The following CD4 variants were observed in gnomAD, a reference collection of about 807,000 sequenced individuals.
CD4 encodes the protein T-cell surface glycoprotein CD4.
CD4 carries 25 observed loss-of-function variants against 50.5 expected under a neutral mutation model. The ratio of observed to expected loss-of-function variants is 0.49; its 90% CI spans 0.36 to 0.69. The LOEUF is 0.69. Among genes scored for constraint, CD4 ranks in the 30% least tolerant of loss-of-function variants. CD4 has a pLI of 0.00. For missense variants in CD4, 456 were observed against 548.5 expected (o/e 0.83, Z 1.68); for synonymous variants, 207 against 221.9 (o/e 0.93, Z 0.60).
At position 6,817,776 on chromosome 12, in the gene CD4, ACACT is replaced by A. The variant is rs1555118203; in HGVS notation, c.1156+450_1156+453del. Among the ~76,000 whole-genome samples, 36 of 142,508 alleles carry A rather than the reference ACACT, an allele frequency of 2.5e-4. 1 individual carries two copies. The highest frequency in any genetic ancestry group is 9.9e-4 in the African/African-American group (35 of 35,332). The allele number at this position is 142,508 out of a possible 152,430, so 93.5% of individuals were successfully genotyped here. ...TCATACACACACTACACACACATCC[ACACT>A]CACACCCACACTCTCACCCCATGTA... On this transcript the variant is annotated intron_variant, in intron 7 of 9. Coordinates refer to ENST00000011653, the MANE Select transcript of CD4 (RefSeq NM_000616.5).
chr12:6,818,864 G>A lies in CD4; in HGVS notation c.1296G>A (p.Met432Ile). 1 of 1,613,054 alleles carries A rather than the reference G, an allele frequency of 6.2e-7. No individual in the cohort carries two copies. The highest frequency in any genetic ancestry group is 8.5e-7 in the Non-Finnish European group (1 of 1,179,438). ...CRHRRRQAER[M>I]SQIKRLLSEK... ...CTGGACAGCGCCAAGCAGAGCGGAT[G>A]TCTCAGATCAAGAGACTCCTCAGTG... The change falls in exon 9 of 10, where the codon ATG becomes ATA. Residue 432 changes from methionine to isoleucine, a missense_variant. By Grantham distance (10) the Met-to-Ile change is conservative (BLOSUM62 1). Transcript: ENST00000011653. The surrounding 1 kb of genome is among the most constrained non-coding windows in gnomAD (Gnocchi z 5.0).
At position 6,818,035 on chromosome 12, in the gene CD4, G is replaced by C. The variant is rs1459767390; in HGVS notation, c.1157-386G>C. 6.9e-6 allele frequency among the ~76,000 whole-genome samples: 1 copy of C among 144,120 alleles called. No homozygotes were observed. Among genetic ancestry groups the C allele is most frequent in the Non-Finnish European group, 1.5e-5 (1 of 65,768 alleles). The allele number at this position is 144,120 out of a possible 152,430, so 94.5% of individuals were successfully genotyped here. ...GCACACACATTCATACACGCACACA[G>C]GCACACATTCACACACATGCACACA... On this transcript the variant is annotated intron_variant, in intron 7 of 9. Coordinates refer to ENST00000011653, the MANE Select transcript of CD4 (RefSeq NM_000616.5). This position sits in a 1 kb window ranked among gnomAD's most constrained non-coding sequence, Gnocchi z 5.0.
intron 3 of CD4, among the ~76,000 whole-genome samples, chr12:6,808,073 C>G (rs1314423353): frequency 1.5e-5 from 1 of 67,938 alleles, no homozygotes; most frequent in African/African-American, 6.6e-5. Flanking sequence ...GAGTGAGGCT[C>G]TTTCTCAAAA....
chr12:6,815,856 T>C lies in CD4; in HGVS notation c.608-200T>C, dbSNP rs1943069904. ...GGCTTCCGGGAGGAGGGAGGTGGCC[T>C]GCTGTAGGAAAATGCTGGGTGGAAG... On this transcript the variant is annotated intron_variant, in intron 5 of 9. Coordinates refer to ENST00000011653, the MANE Select transcript of CD4 (RefSeq NM_000616.5). 5.3e-6 allele frequency: 8 copies of C among 1,511,770 alleles called. No individual in the cohort carries two copies. In the Admixed American group the frequency reaches 1.6e-4, roughly 30 times the overall value. 93.6% of individuals were successfully genotyped at this position (1,511,770 alleles called of 1,614,324 possible). A position where few individuals can be genotyped will look rare whatever the true frequency, so the allele number is the denominator to read the frequency against.
At chr12:6,793,673 TATCTATCTATCTATCTATCTATCTATCTA>T (rs1942247063) in intron 1 of CD4, among the ~76,000 whole-genome samples, 1 of 94,214 alleles carries the variant, frequency 1.1e-5, no homozygotes, top group Admixed American at 1.0e-4. Context: ...TCTATCTATC[TATCTATCTATCTATCTATCTATCTATCTA>T]TCTTTTTTTT....
intron 1 of CD4, among the ~76,000 whole-genome samples, 157 bp downstream of exon 1, chr12:6,789,819 C>A (rs1942097504): frequency 6.6e-6 from 1 of 152,252 alleles, no homozygotes; most frequent in African/African-American, 2.4e-5. Flanking sequence ...CGATTTCCCA[C>A]TGGAACTGTG....
intron 3 of CD4, among the ~76,000 whole-genome samples, chr12:6,806,861 T>C (rs1335561541): frequency 6.6e-6 from 1 of 152,210 alleles, no homozygotes; most frequent in Non-Finnish European, 1.5e-5. Flanking sequence ...AACAGTTTGA[T>C]AGTTTCTTAT....
intron 3 of CD4, among the ~76,000 whole-genome samples, chr12:6,807,742 A>G (rs1357404219): frequency 9.2e-5 from 14 of 152,316 alleles, no homozygotes; most frequent in Non-Finnish European, 4.4e-5. Context: ...TCTCTGTATT[A>G]CTTCTTACAA....
At chr12:6,809,754 C>T (rs914033436) in intron 3 of CD4, among the ~76,000 whole-genome samples, 3 of 152,176 alleles carry the variant, frequency 2.0e-5, no homozygotes, top group Non-Finnish European at 2.9e-5. Context: ...CTCTCAGCGC[C>T]ACTGCTCAGT....
chr12:6,794,674 A>T (rs1340495314), intron 1 of CD4, among the ~76,000 whole-genome samples: 1 of 151,332 alleles, frequency 6.6e-6, no homozygotes, highest in Admixed American at 6.6e-5. Flanking sequence ...ATCCGGCCTT[A>T]TATATCTATC....
At position 6,818,472 on chromosome 12, in the gene CD4, G is replaced by T; in HGVS notation, c.1208G>T (p.Gly403Val). 1 of 1,613,014 alleles carries T rather than the reference G, an allele frequency of 6.2e-7. No individual in the cohort carries two copies. Residue 403 changes from glycine to valine, a missense_variant, in exon 8 of 10, where the codon GGG becomes GTG. Transcript: ENST00000011653. The surrounding 1 kb of genome is among the most constrained non-coding windows in gnomAD (Gnocchi z 5.0). ...PVQPMALIVL[G>V]GVAGLLLFIG... ...CAGCCAATGGCCCTGATTGTGCTGG[G>T]GGGCGTCGCCGGCCTCCTGCTTTTC...
intron 1 of CD4, among the ~76,000 whole-genome samples, chr12:6,793,900 G>C (rs1942269375): frequency 6.7e-6 from 1 of 148,850 alleles, no homozygotes; most frequent in African/African-American, 2.5e-5. Context: ...TGATCTGCCT[G>C]CCTCGGCCTC....
At chr12:6,794,785 TG>T (rs544863139) in intron 1 of CD4, among the ~76,000 whole-genome samples, 1,344 of 129,322 alleles carry the variant, frequency 0.01, 197 homozygotes, top group Admixed American at 0.038. Context: ...GTTTTTTTTT[TG>T]TTTTTTTTTT....
In CD4 at chr12:6,817,153, A is replaced by G; in HGVS notation, c.979A>G (p.Thr327Ala). The change falls in exon 7 of 10, where the codon ACC becomes GCC. Residue 327 changes from threonine to alanine, a missense_variant. Transcript: ENST00000011653. ...MRATQLQKNL[T>A]CEVWGPTSPK... Reference sequence around the variant, plus strand: ...AGCCACTCAGCTCCAGAAAAATTTGACCTGTGAGGTGTGGGGACCCACCTC... The same window carrying G: ...AGCCACTCAGCTCCAGAAAAATTTGGCCTGTGAGGTGTGGGGACCCACCTC... 6.2e-7 allele frequency: 1 copy of G among 1,613,902 alleles called. No homozygotes were observed. The highest frequency in any genetic ancestry group is 8.5e-7 in the Non-Finnish European group (1 of 1,179,806).
chr12:6,808,079 CAAAAAAA>C (rs34876182), intron 3 of CD4, among the ~76,000 whole-genome samples: 1 of 70,144 alleles, frequency 1.4e-5, no homozygotes. Context: ...GGCTCTTTCT[CAAAAAAA>C]AAAAAAAAAA....
chr12:6,819,229 T>C (rs1214181809), intron 9 of CD4, 70 bp from the exon 10 acceptor site: 6 of 1,486,230 alleles, frequency 4.0e-6, no homozygotes, highest in East Asian at 2.3e-5. Context: ...GGAAAGGCCA[T>C]TGGAGGTGCT....
intron 5 of CD4, 134 bp from the exon 6 acceptor site, chr12:6,815,922 T>A: frequency 1.3e-6 from 2 of 1,522,500 alleles, no homozygotes; most frequent in Middle Eastern, 3.4e-4. Context: ...AACTGAAGTA[T>A]CTGAAGTGAC....
intron 3 of CD4, among the ~76,000 whole-genome samples, chr12:6,809,551 C>A (rs906829487): frequency 6.6e-6 from 1 of 152,208 alleles, no homozygotes. Flanking sequence ...GGGAATGCCA[C>A]CATCACCAGC....
intron 3 of CD4, among the ~76,000 whole-genome samples, chr12:6,808,482 A>AAAAAAAAG (rs1942841700): frequency 7.4e-6 from 1 of 135,360 alleles, no homozygotes; most frequent in Admixed American, 7.2e-5. Context: ...AAAAAAAAAA[A>AAAAAAAAG]GTGAAGTTTA....
Sources: gnomAD v4.1 joint callset for allele counts (sites outside exome capture counted in the v4.1 genomes callset) on GRCh38, gnomAD v4.1.1 for gene constraint, Gnocchi (gnomAD v3.1) non-coding constraint, MANE v1.5 for transcripts, NCBI Gene and HGNC (gene_info 2026-07-23, HGNC 2026-07-21) for gene names.